The following ACVR1C variants were observed in gnomAD, a reference collection of about 807,000 sequenced individuals.
ACVR1C encodes activin receptor type-1C.
ACVR1C carries 23 observed loss-of-function variants against 57.9 expected under a neutral mutation model. That is an observed-to-expected ratio of 0.40 (90% CI 0.29 to 0.56). The LOEUF (loss-of-function observed/expected upper bound fraction) is 0.56. ACVR1C is among the 20% of genes least tolerant of loss of function. The pLI is 0.50. For missense variants in ACVR1C, 480 were observed against 607.9 expected (o/e 0.79, Z 2.21); for synonymous variants, 214 against 215.3 (o/e 0.99, Z 0.05).
intron 1 of ACVR1C, among the ~76,000 whole-genome samples, chr2:157,611,087 C>G (rs1366078956): frequency 6.6e-6 from 1 of 152,062 alleles, no homozygotes; most frequent in African/African-American, 2.4e-5. Context: ...GTCATATGTC[C>G]TTGCTTTTTA....
chr2:157,591,752 A>T (rs1053904574), intron 1 of ACVR1C, among the ~76,000 whole-genome samples: 2 of 152,178 alleles, frequency 1.3e-5, no homozygotes, highest in East Asian at 1.9e-4. Context: ...AAAGCACTCA[A>T]CAATTAAATA....
intron 6 of ACVR1C, among the ~76,000 whole-genome samples, chr2:157,542,283 A>G (rs999474801): frequency 1.3e-5 from 2 of 152,198 alleles, no homozygotes; most frequent in South Asian, 2.1e-4. Context: ...CTATTTCAAC[A>G]TATTGATTCT....
At chr2:157,591,343 G>C (rs1689052162) in intron 1 of ACVR1C, among the ~76,000 whole-genome samples, 1 of 151,964 alleles carries the variant, frequency 6.6e-6, no homozygotes, top group Non-Finnish European at 1.5e-5. Flanking sequence ...CTAACTTGCT[G>C]ATTGACTTTG....
At chr2:157,537,462 T>C (rs1469065465) in intron 8 of ACVR1C, among the ~76,000 whole-genome samples, 2 of 151,484 alleles carry the variant, frequency 1.3e-5, no homozygotes, top group African/African-American at 2.4e-5. Flanking sequence ...CTCAAGTATG[T>C]AGGTAAGACA....
intron 3 of ACVR1C, among the ~76,000 whole-genome samples, chr2:157,555,101 CTTTTTTTTTTTTTTTT>C (rs60269781): frequency 3.6e-5 from 3 of 83,926 alleles, no homozygotes; most frequent in South Asian, 3.5e-4. Flanking sequence ...ACTTTGAACG[CTTTTTTTTTTTTTTTT>C]TTTTTTTTTT....
In ACVR1C at chr2:157,567,184, A is replaced by C. The variant is rs566910928; in HGVS notation, c.305-10852T>G. ...TCTGTTAGAAGGAAAACTAACAACC[A>C]GAAAGGACATCTACACCGAAAACCC... On this transcript the variant is annotated intron_variant, in intron 2 of 8. Coordinates refer to ENST00000243349, the MANE Select transcript of ACVR1C (RefSeq NM_145259.3). Among the ~76,000 whole-genome samples the C allele has an allele frequency of 6.9e-5, 6 of 86,702 alleles. No homozygotes were observed. In the South Asian group the frequency reaches 2.1e-3, roughly 30 times the overall value. 56.9% of individuals were successfully genotyped at this position (86,702 alleles called of 152,430 possible). A position where few individuals can be genotyped will look rare whatever the true frequency, so the allele number is the denominator to read the frequency against.
intron 1 of ACVR1C, among the ~76,000 whole-genome samples, chr2:157,620,573 C>T (rs984334884): frequency 7.2e-5 from 11 of 151,906 alleles, no homozygotes; most frequent in African/African-American, 1.2e-4. Context: ...CTCTTGGATA[C>T]GTATGCATTA....
At chr2:157,546,822 T>A (rs977285245) in intron 4 of ACVR1C, among the ~76,000 whole-genome samples, 5 of 152,054 alleles carry the variant, frequency 3.3e-5, no homozygotes, top group South Asian at 2.1e-4. Flanking sequence ...ATTTTATTTT[T>A]TTTCTTTATT....
intron 6 of ACVR1C, among the ~76,000 whole-genome samples, chr2:157,542,077 T>C (rs1036754526): frequency 6.6e-6 from 1 of 152,208 alleles, no homozygotes; most frequent in African/African-American, 2.4e-5. Flanking sequence ...TTCATGCTCA[T>C]TCTTAATCTT....
intron 6 of ACVR1C, 58 bp from the exon 7 acceptor site, chr2:157,541,272 C>T (rs780814736): frequency 7.0e-5 from 108 of 1,534,596 alleles, no homozygotes; most frequent in Non-Finnish European, 9.0e-5. Flanking sequence ...TCCAGTAAAA[C>T]AATCTTAATA....
At chr2:157,599,902 G>T (rs1380158418) in intron 1 of ACVR1C, among the ~76,000 whole-genome samples, 2 of 152,202 alleles carry the variant, frequency 1.3e-5, no homozygotes, top group African/African-American at 4.8e-5. Flanking sequence ...CAAGTTAGGA[G>T]ACTTGGGGTT....
chr2:157,590,084 A>G (rs1689028326), intron 1 of ACVR1C, among the ~76,000 whole-genome samples: 1 of 151,998 alleles, frequency 6.6e-6, no homozygotes, highest in South Asian at 2.1e-4. Flanking sequence ...ATTCTAGAAG[A>G]AAACCTACAA....
intron 1 of ACVR1C, among the ~76,000 whole-genome samples, chr2:157,621,663 C>T (rs1029759159): frequency 1.3e-5 from 2 of 152,192 alleles, no homozygotes; most frequent in Non-Finnish European, 2.9e-5. Context: ...AGACTTTCTA[C>T]TTTTTCCCTC....
intron 7 of ACVR1C, among the ~76,000 whole-genome samples, chr2:157,540,107 C>T (rs1687587157): frequency 1.3e-5 from 2 of 152,238 alleles, no homozygotes; most frequent in South Asian, 4.1e-4. Flanking sequence ...TTCATTAAAT[C>T]CTTAAAGCCC....
At chr2:157,598,711 T>C (rs1682200906) in intron 1 of ACVR1C, among the ~76,000 whole-genome samples, 1 of 151,958 alleles carries the variant, frequency 6.6e-6, no homozygotes, top group Non-Finnish European at 1.5e-5. Flanking sequence ...GCTAATTTTG[T>C]ATTTTTAGTA....
intron 4 of ACVR1C, 79 bp downstream of exon 4, chr2:157,550,083 G>A: frequency 1.3e-5 from 16 of 1,235,000 alleles, no homozygotes; most frequent in Admixed American, 2.1e-5. Context: ...TCTGATACTA[G>A]ACAACATTTT....
chr2:157,591,009 A>G (rs1411571243), intron 1 of ACVR1C, among the ~76,000 whole-genome samples: 1 of 152,032 alleles, frequency 6.6e-6, no homozygotes, highest in Non-Finnish European at 1.5e-5. Context: ...TGTCTGGCAC[A>G]TAGGAAATAC....
intron 1 of ACVR1C, among the ~76,000 whole-genome samples, chr2:157,589,778 C>A (rs550654193): frequency 6.6e-6 from 1 of 151,964 alleles, no homozygotes; most frequent in Non-Finnish European, 1.5e-5. Flanking sequence ...TCAAATTATA[C>A]TATAAATATA....
chr2:157,607,707 T>C (rs553626448), intron 1 of ACVR1C, among the ~76,000 whole-genome samples: 1 of 151,866 alleles, frequency 6.6e-6, no homozygotes, highest in East Asian at 1.9e-4. Context: ...TATTCCTATG[T>C]ATTTTTGTAG....
Sources: allele counts gnomAD v4.1 joint callset (sites outside exome capture counted in the v4.1 genomes callset), GRCh38; gene constraint gnomAD v4.1.1; transcripts MANE v1.5; gene names NCBI Gene and HGNC (gene_info 2026-07-23, HGNC 2026-07-21).